The following SIPA1L1 variants were observed in gnomAD, a reference collection of about 807,000 sequenced individuals.
SIPA1L1 encodes signal induced proliferation associated 1 like 1, also known as signal-induced proliferation-associated 1-like protein 1.
SIPA1L1 carries 26 observed loss-of-function variants against 162.7 expected under a neutral mutation model. The observed-to-expected ratio is 0.16, with a 90% confidence interval of 0.12 to 0.22. The LOEUF (loss-of-function observed/expected upper bound fraction) is 0.22. Ranked by LOEUF, SIPA1L1 falls within the 10% of genes least tolerant of loss-of-function variation. SIPA1L1 has a pLI of 1.00. For missense variants in SIPA1L1, 1,874 were observed against 2,241.0 expected (o/e 0.84, Z 3.31); for synonymous variants, 829 against 837.4 (o/e 0.99, Z 0.17).
chr14:71,695,949 C>T (rs1328345764), intron 13 of SIPA1L1, among the ~76,000 whole-genome samples: 1 of 152,088 alleles, frequency 6.6e-6, no homozygotes, highest in Non-Finnish European at 1.5e-5. Flanking sequence ...TTCAGATCAC[C>T]TTACAATTAA....
chr14:71,656,755 T>C (rs1428340426), intron 8 of SIPA1L1, among the ~76,000 whole-genome samples: 1 of 152,222 alleles, frequency 6.6e-6, no homozygotes, highest in Non-Finnish European at 1.5e-5. Flanking sequence ...AGAATATCTT[T>C]AGAAAGCTGT....
intron 2 of SIPA1L1, among the ~76,000 whole-genome samples, chr14:71,413,017 A>G (rs1566990055): frequency 6.6e-6 from 1 of 152,194 alleles, no homozygotes; most frequent in Non-Finnish European, 1.5e-5. Context: ...TTTCTTCGGA[A>G]CAGGGTTTCT....
At chr14:71,541,448 T>A (rs1446114156) in intron 4 of SIPA1L1, among the ~76,000 whole-genome samples, 1 of 152,078 alleles carries the variant, frequency 6.6e-6, no homozygotes, top group African/African-American at 2.4e-5. Context: ...GATGGGCCAG[T>A]GCATGTTTCT....
At chr14:71,627,607 TG>T (rs2040162003) in intron 7 of SIPA1L1, among the ~76,000 whole-genome samples, 1 of 152,188 alleles carries the variant, frequency 6.6e-6, no homozygotes, top group Non-Finnish European at 1.5e-5. Flanking sequence ...ACAGTACAGT[TG>T]GGGGCATCTC....
At chr14:71,503,639 C>G (rs777676351) in intron 2 of SIPA1L1, among the ~76,000 whole-genome samples, 1 of 151,934 alleles carries the variant, frequency 6.6e-6, no homozygotes, top group East Asian at 1.9e-4. Flanking sequence ...ATTAAAACAC[C>G]AAAAAAATCG....
intron 4 of SIPA1L1, among the ~76,000 whole-genome samples, chr14:71,539,732 A>G (rs1013931779): frequency 5.3e-5 from 8 of 152,102 alleles, no homozygotes; most frequent in African/African-American, 1.9e-4. Context: ...TTCAATTTGT[A>G]TATGTTGATT....
At chr14:71,688,203 G>T (rs534199540) in intron 13 of SIPA1L1, among the ~76,000 whole-genome samples, 74 of 152,274 alleles carry the variant, frequency 4.9e-4, no homozygotes, top group African/African-American at 1.8e-3. Flanking sequence ...TAATCCAAAA[G>T]TCTGAAATCT....
intron 2 of SIPA1L1, among the ~76,000 whole-genome samples, chr14:71,436,530 C>G (rs1168214990): frequency 6.6e-6 from 1 of 152,106 alleles, no homozygotes; most frequent in Non-Finnish European, 1.5e-5. Context: ...ACTGATGTCA[C>G]ATTTTATCTT....
intron 2 of SIPA1L1, among the ~76,000 whole-genome samples, chr14:71,479,033 C>G (rs556354220): frequency 6.6e-6 from 1 of 152,272 alleles, no homozygotes; most frequent in East Asian, 1.9e-4. Context: ...TTCTGCTCCT[C>G]TAGCTAAAAC....
chr14:71,717,088 C>T (rs185349905), intron 17 of SIPA1L1, among the ~76,000 whole-genome samples: 8 of 152,246 alleles, frequency 5.3e-5, no homozygotes, highest in South Asian at 4.2e-4. Context: ...TTAGTAGAGA[C>T]GGGGTTTTAC....
Position 71,719,436 on chromosome 14 carries a change from C to T in SIPA1L1, c.4209-4211C>T, listed in dbSNP as rs75951500. Among the ~76,000 whole-genome samples, 1,008 of 152,306 alleles carry T rather than the reference C, an allele frequency of 6.6e-3. 8 individuals are homozygous for T. Among genetic ancestry groups the T allele is most frequent in the African/African-American group, 0.023 (945 of 41,560 alleles). ...AGAGCTCTAGTGCTTCGCATCCTTGCCAGCACTTGATATTATAAGTCTTTT... is the reference window on the plus strand; with the variant it reads ...AGAGCTCTAGTGCTTCGCATCCTTGTCAGCACTTGATATTATAAGTCTTTT... On this transcript the variant is annotated intron_variant, in intron 17 of 23. Transcript: ENST00000381232.
At chr14:71,482,344 G>T (rs774076329) in intron 2 of SIPA1L1, among the ~76,000 whole-genome samples, 6 of 152,204 alleles carry the variant, frequency 3.9e-5, no homozygotes, top group Non-Finnish European at 8.8e-5. Flanking sequence ...AAATGAAACA[G>T]TGAAGGATAT....
chr14:71,450,750 T>C (rs1295973811), intron 2 of SIPA1L1, among the ~76,000 whole-genome samples: 1 of 152,070 alleles, frequency 6.6e-6, no homozygotes, highest in Non-Finnish European at 1.5e-5. Context: ...ACAAAAAATA[T>C]AGCAAGTGTT....
chr14:71,632,327 C>T (rs1262997067), intron 7 of SIPA1L1, among the ~76,000 whole-genome samples: 1 of 152,140 alleles, frequency 6.6e-6, no homozygotes, highest in Non-Finnish European at 1.5e-5. Flanking sequence ...CTGGAAATGC[C>T]TATAGGCACA....
At chr14:71,433,975 C>T (rs1200535338) in intron 2 of SIPA1L1, among the ~76,000 whole-genome samples, 2 of 152,326 alleles carry the variant, frequency 1.3e-5, no homozygotes, top group African/African-American at 4.8e-5. Context: ...CCACTTAAAT[C>T]CTTAGTGAGA....
intron 7 of SIPA1L1, among the ~76,000 whole-genome samples, chr14:71,635,116 A>G (rs1336128567): frequency 6.6e-6 from 1 of 152,122 alleles, no homozygotes; most frequent in Non-Finnish European, 1.5e-5. Flanking sequence ...CGTCTCTACT[A>G]AAAATACAAA....
rs146150654 is a variant in SIPA1L1, at chr14:71,377,837, G to A, written c.-465+56656G>A. Reference sequence around the variant, plus strand: ...CAAAAAATACAAAAACCAGTCAGGCGTGGCGGCGCGTGCCTGCAATCCCAG... The same window carrying A: ...CAAAAAATACAAAAACCAGTCAGGCATGGCGGCGCGTGCCTGCAATCCCAG... On this transcript the variant is annotated intron_variant, in intron 2 of 23. Coordinates refer to ENST00000381232, the MANE Select transcript of SIPA1L1 (RefSeq NM_001386936.1). The surrounding 1 kb of genome is among the most constrained non-coding windows in gnomAD (Gnocchi z 4.8). Among the ~76,000 whole-genome samples, 527 of 152,298 alleles carry A rather than the reference G, an allele frequency of 3.5e-3. 4 individuals are homozygous for A. Among genetic ancestry groups the A allele is most frequent in the African/African-American group, 0.012 (500 of 41,586 alleles).
At chr14:71,498,712 T>C (rs1285505845) in intron 2 of SIPA1L1, among the ~76,000 whole-genome samples, 1 of 152,210 alleles carries the variant, frequency 6.6e-6, no homozygotes, top group African/African-American at 2.4e-5. Context: ...AGTTTTTGTT[T>C]TTTCTTTATG....
At chr14:71,553,870 T>C (rs1446124673) in intron 4 of SIPA1L1, among the ~76,000 whole-genome samples, 1 of 152,176 alleles carries the variant, frequency 6.6e-6, no homozygotes, top group South Asian at 2.1e-4. Context: ...CTTTCTTAAA[T>C]TGAGACCTTA....
Sources: gnomAD v4.1 joint callset for allele counts (sites outside exome capture counted in the v4.1 genomes callset) on GRCh38, gnomAD v4.1.1 for gene constraint, Gnocchi (gnomAD v3.1) non-coding constraint, MANE v1.5 for transcripts, NCBI Gene and HGNC (gene_info 2026-07-23, HGNC 2026-07-21) for gene names.